GRAMD4: variants seen among roughly 807,000 people sequenced by gnomAD.
The protein encoded by GRAMD4 is GRAM domain containing 4.
GRAMD4 carries 25 observed loss-of-function variants against 83.9 expected under a neutral mutation model. The ratio of observed to expected loss-of-function variants is 0.30; its 90% CI spans 0.22 to 0.42. The LOEUF (loss-of-function observed/expected upper bound fraction) is 0.42, where lower values mean the gene tolerates loss of function less well. Ranked by LOEUF, GRAMD4 falls within the 10% of genes least tolerant of loss-of-function variation. The pLI, the probability that GRAMD4 is intolerant of heterozygous loss-of-function variation, is 1.00. For missense variants in GRAMD4, 593 were observed against 788.7 expected, an observed-to-expected ratio of 0.75 and a Z score of 2.97; for synonymous variants, 336 against 320.9, an observed-to-expected ratio of 1.05 and a Z score of -0.50.
intron 1 of GRAMD4, among the ~76,000 whole-genome samples, chr22:46,596,872 C>T (rs1452304913): frequency 6.6e-6 from 1 of 152,132 alleles, no homozygotes; most frequent in East Asian, 1.9e-4. Flanking sequence ...TTAAAAATAG[C>T]ATTCTTTTGT....
rs1555955040 is a variant in GRAMD4 at position 46,602,762 on chromosome 22, C to CTCTT, written c.-49-23988_-49-23987insCTTT. ...TCCTTTATCTTTTGTCCATTTTTCT[C>CTCTT]TTTTTTTTTTTTTTTTGAGGCAGAG... On this transcript the variant is annotated intron_variant, in intron 1 of 1. Coordinates refer to the GRAMD4 transcript ENST00000431155. 6.1e-4 allele frequency among the ~76,000 whole-genome samples: 74 copies of CTCTT among 121,450 alleles called. 1 individual carries two copies. Among genetic ancestry groups the CTCTT allele is most frequent in the Middle Eastern group, 4.3e-3 (1 of 230 alleles). 79.7% of individuals were successfully genotyped at this position (121,450 alleles called of 152,430 possible).
chr22:46,604,457 A>G (rs2081345931), intron 1 of GRAMD4, among the ~76,000 whole-genome samples: 1 of 152,180 alleles, frequency 6.6e-6, no homozygotes, highest in Non-Finnish European at 1.5e-5. Context: ...GCGTTAAAGC[A>G]CATTCACACT....
intron 2 of GRAMD4, among the ~76,000 whole-genome samples, chr22:46,633,967 C>T (rs2081818520): frequency 6.6e-6 from 1 of 152,210 alleles, no homozygotes; most frequent in East Asian, 1.9e-4. Flanking sequence ...ACGTGGACCA[C>T]GTTACTCCTG....
chr22:46,659,257 CTCCACCCTCAGTT>C lies in GRAMD4; in HGVS notation c.404+953_404+965del, dbSNP rs2082293065. The stretch of plus-strand genomic sequence containing the variant: ...CACTCCCTCAGCCTCCCCCCTCAGT[CTCCACCCTCAGTT>C]TCTGCCCAGCCTCCCCCCAGCATCA... On this transcript the variant is annotated intron_variant, in intron 4 of 18. Coordinates refer to ENST00000406902, the MANE Select transcript of GRAMD4 (RefSeq NM_015124.5). The surrounding 1 kb of genome is among the most constrained non-coding windows in gnomAD (Gnocchi z 4.1). Among the ~76,000 whole-genome samples the C allele has an allele frequency of 6.7e-6, 1 of 148,744 alleles. No individual in the cohort carries two copies. The highest frequency in any genetic ancestry group is 1.5e-5 in the Non-Finnish European group (1 of 67,090).
In GRAMD4 at chr22:46,628,730, A is replaced by G. The variant is rs73891408; in HGVS notation, c.162+1769A>G. Among the ~76,000 whole-genome samples, 1,293 of 151,900 alleles carry G rather than the reference A, an allele frequency of 8.5e-3. 14 individuals carry two copies. The highest frequency in any genetic ancestry group is 0.03 in the African/African-American group (1,254 of 41,380). Reference sequence around the variant, plus strand: ...GAGCAGCAGGAGGTAGGGCTGTGGGATCATGGGAGTCTTCACCTGGGGCAG... The same window carrying G: ...GAGCAGCAGGAGGTAGGGCTGTGGGGTCATGGGAGTCTTCACCTGGGGCAG... On this transcript the variant is annotated intron_variant, in intron 2 of 18. Coordinates refer to ENST00000406902, the MANE Select transcript of GRAMD4 (RefSeq NM_015124.5).
At chr22:46,648,585 A>G (rs1030842404) in intron 3 of GRAMD4, among the ~76,000 whole-genome samples, 1 of 151,914 alleles carries the variant, frequency 6.6e-6, no homozygotes, top group African/African-American at 2.4e-5. Context: ...GTGTGGATGG[A>G]TGGACATGTG....
chr22:46,650,988 C>T (rs912201746), intron 3 of GRAMD4, among the ~76,000 whole-genome samples: 2 of 152,186 alleles, frequency 1.3e-5, no homozygotes, highest in African/African-American at 4.8e-5. Context: ...ATTTTTCTGC[C>T]CAGTGGCTCT....
At chr22:46,654,321 C>G (rs1001155415) in intron 3 of GRAMD4, among the ~76,000 whole-genome samples, 1 of 152,204 alleles carries the variant, frequency 6.6e-6, no homozygotes, top group African/African-American at 2.4e-5. Flanking sequence ...AGGGCCAGCC[C>G]GGGCTCACGC....
At chr22:46,644,697 G>GT (rs71192437) in intron 3 of GRAMD4, among the ~76,000 whole-genome samples, 77 of 97,316 alleles carry the variant, frequency 7.9e-4, no homozygotes, top group Admixed American at 1.6e-3. Flanking sequence ...CTTGTTCCCT[G>GT]TTTTTTTTTT....
intron 3 of GRAMD4, among the ~76,000 whole-genome samples, chr22:46,644,368 T>C (rs901373902): frequency 1.6e-4 from 24 of 150,182 alleles, no homozygotes; most frequent in Admixed American, 2.6e-4. Context: ...ATCCCTGTTC[T>C]GGGTTACACC....
chr22:46,626,859 T>TC lies in GRAMD4; in HGVS notation c.61dup (p.Leu21ProfsTer50). ...GTCACAAGAGAGATGACTTCCTCGA[T>TC]CTAGCGGAGTCTCCAAATGCCTCGG... On this transcript the variant is annotated frameshift_variant, in exon 2 of 19. Coordinates refer to ENST00000406902, the MANE Select transcript of GRAMD4 (RefSeq NM_015124.5). LOFTEE classifies it high-confidence loss of function. 1 of 1,614,012 alleles carries TC rather than the reference T, an allele frequency of 6.2e-7. No individual in the cohort carries two copies.
At chr22:46,667,647 A>G (rs777937359) in intron 10 of GRAMD4, among the ~76,000 whole-genome samples, 4 of 152,224 alleles carry the variant, frequency 2.6e-5, no homozygotes, top group Admixed American at 6.5e-5. Context: ...TGTTTCTTGC[A>G]TGGAGCACCA....
At chr22:46,660,825 A>G (rs1408572257) in intron 4 of GRAMD4, among the ~76,000 whole-genome samples, 2 of 152,246 alleles carry the variant, frequency 1.3e-5, no homozygotes, top group East Asian at 1.9e-4. Flanking sequence ...AGGGGCGACC[A>G]CACAGCACTT....
chr22:46,669,078 C>T (rs1037176755), intron 13 of GRAMD4, among the ~76,000 whole-genome samples, 170 bp downstream of exon 13: 2 of 152,028 alleles, frequency 1.3e-5, no homozygotes, highest in African/African-American at 2.4e-5. Context: ...CATCCGAGAT[C>T]GAGGGACACG....
rs1022314205 is a variant in GRAMD4 at position 46,674,548 on chromosome 22, G to A, written c.1385-109G>A. 2.3e-4 allele frequency: 184 copies of A among 813,290 alleles called. No individual in the cohort carries two copies. In the Middle Eastern group the frequency reaches 3.2e-3, roughly 14 times the overall value. 50.4% of individuals were successfully genotyped at this position (813,290 alleles called of 1,614,324 possible). On this transcript the variant is annotated intron_variant, in intron 15 of 18. Coordinates refer to ENST00000406902, the MANE Select transcript of GRAMD4 (RefSeq NM_015124.5). ...CTCTCACTGTGGGTGTGACGTGAGC[G>A]CGGTGGGCGGATGTCAGGATCTGAG...
intron 1 of GRAMD4, among the ~76,000 whole-genome samples, chr22:46,609,189 C>T (rs1014112672): frequency 6.6e-6 from 1 of 152,128 alleles, no homozygotes; most frequent in Non-Finnish European, 1.5e-5. Flanking sequence ...CAGAGACATA[C>T]ATCGCAGACC....
At chr22:46,579,996 C>G (rs1406438876) in intron 1 of GRAMD4, among the ~76,000 whole-genome samples, 2 of 152,142 alleles carry the variant, frequency 1.3e-5, no homozygotes, top group African/African-American at 2.4e-5. Context: ...CTGGTCACCC[C>G]CTGCCTGAGT....
At chr22:46,668,237 G>A (rs1449648022) in intron 11 of GRAMD4, 70 bp downstream of exon 11, 6 of 1,092,020 alleles carry the variant, frequency 5.5e-6, no homozygotes, top group East Asian at 4.8e-5. Flanking sequence ...GTGTGTCTAC[G>A]CCGGCCAGGG....
chr22:46,676,168 C>T (rs921994047), intron 17 of GRAMD4, among the ~76,000 whole-genome samples: 3 of 152,296 alleles, frequency 2.0e-5, no homozygotes, highest in African/African-American at 4.8e-5. Context: ...GTCATCTCTC[C>T]CACCCGGCTC....
Sources: gnomAD v4.1 joint callset for allele counts (sites outside exome capture counted in the v4.1 genomes callset) on GRCh38, gnomAD v4.1.1 for gene constraint, Gnocchi (gnomAD v3.1) non-coding constraint, MANE v1.5 for transcripts, NCBI Gene and HGNC (gene_info 2026-07-23, HGNC 2026-07-21) for gene names.